The following MYLK variants were observed in gnomAD, a reference collection of about 807,000 sequenced individuals.
The protein encoded by MYLK is myosin light chain kinase, also known as myosin light chain kinase, smooth muscle.
A neutral mutation model predicts 203.4 loss-of-function variants in MYLK; 106 were observed. The ratio of observed to expected loss-of-function variants is 0.52; its 90% CI spans 0.45 to 0.61. The LOEUF is 0.61. Ranked by LOEUF, MYLK falls within the 20% of genes least tolerant of loss-of-function variation. MYLK has a pLI of 0.00. For synonymous variants in MYLK, 867 were observed against 959.5 expected, an observed-to-expected ratio of 0.90 and a Z score of 1.78; for missense variants, 2,072 against 2,442.3, an observed-to-expected ratio of 0.85 and a Z score of 3.20.
chr3:123,673,255 T>C (rs1419527273), intron 20 of MYLK, among the ~76,000 whole-genome samples: 5 of 151,034 alleles, frequency 3.3e-5, no homozygotes, highest in Non-Finnish European at 5.9e-5. Flanking sequence ...CTCGACCTGC[T>C]GGGCTAAAGT....
intron 4 of MYLK, among the ~76,000 whole-genome samples, chr3:123,771,697 T>C (rs1274612670): frequency 6.6e-6 from 1 of 152,200 alleles, no homozygotes; most frequent in Non-Finnish European, 1.5e-5. Flanking sequence ...ATTTTCTAAA[T>C]TGAAAATGCA....
In MYLK at chr3:123,629,343, C is replaced by T; in HGVS notation, c.5114+131G>A. ...CTCTTACCATGCCCACCCTCCCTTC[C>T]TCAGGGAATGCTAGGAACGACCCAA... On this transcript the variant is annotated intron_variant, in intron 30 of 33. Transcript: ENST00000360304. This position sits in a 1 kb window ranked among gnomAD's most constrained non-coding sequence, Gnocchi z 4.4. The T allele has an allele frequency of 8.7e-7, 1 of 1,154,248 alleles. No homozygotes were observed. Among genetic ancestry groups the T allele is most frequent in the South Asian group, 1.3e-5 (1 of 74,724 alleles). The allele number at this position is 1,154,248 out of a possible 1,614,324, so 71.5% of individuals were successfully genotyped here. A position where few individuals can be genotyped will look rare whatever the true frequency, so the allele number is the denominator to read the frequency against.
chr3:123,802,350 T>A (rs1448083092), intron 3 of MYLK, among the ~76,000 whole-genome samples: 2 of 152,234 alleles, frequency 1.3e-5, no homozygotes, highest in African/African-American at 2.4e-5. Flanking sequence ...AGTTCTTCCC[T>A]GAGCCACCAG....
chr3:123,680,912 G>C (rs2060241904), intron 20 of MYLK: 1 of 152,174 alleles, frequency 6.6e-6, no homozygotes, highest in Admixed American at 6.5e-5. Flanking sequence ...AGTTTTCAAA[G>C]GGTAGTTCTG....
At chr3:123,868,271 T>C (rs2032475293) in intron 2 of MYLK, among the ~76,000 whole-genome samples, 1 of 152,180 alleles carries the variant, frequency 6.6e-6, no homozygotes, top group South Asian at 2.1e-4. Context: ...GGATCGTATC[T>C]TTTGACCTAG....
chr3:123,635,533 A>T (rs1220491641), intron 29 of MYLK, among the ~76,000 whole-genome samples: 1 of 152,154 alleles, frequency 6.6e-6, no homozygotes, highest in Non-Finnish European at 1.5e-5. Flanking sequence ...CTTGCCACAC[A>T]CACACCCCTC....
chr3:123,807,390 C>G (rs1285903883), intron 3 of MYLK, among the ~76,000 whole-genome samples: 3 of 151,788 alleles, frequency 2.0e-5, no homozygotes, highest in Non-Finnish European at 4.4e-5. Flanking sequence ...GACAGTGCCA[C>G]TGCACTCCAG....
At position 123,700,490 on chromosome 3, in the gene MYLK, G is replaced by C; in HGVS notation, c.2978C>G (p.Ala993Gly). 1 of 1,608,078 alleles carries C rather than the reference G, an allele frequency of 6.2e-7. No individual in the cohort carries two copies. Among genetic ancestry groups the C allele is most frequent in the Non-Finnish European group, 8.5e-7 (1 of 1,175,836 alleles). ...CTCGGCACTGCTGCTGCCATTCTCT[G>C]CTGGTAATTTCTTCTTGCCACCCAG... The part of the protein sequence containing the change: ...SVLGGKKKLP[A>G]ENGSSSAETL... The change falls in exon 18 of 34, where the codon GCA becomes GGA. Residue 993 changes from alanine (A) to glycine (G), a missense_variant. By Grantham distance (60) the Ala-to-Gly change is moderately conservative (BLOSUM62 0). This residue lies in a region of MYLK where 865 missense variants were observed against 1,016.0 expected (regional missense o/e 0.85). Transcript: ENST00000360304.
chr3:123,628,054 G>A (rs1028281232), intron 30 of MYLK, among the ~76,000 whole-genome samples: 1 of 152,204 alleles, frequency 6.6e-6, no homozygotes, highest in African/African-American at 2.4e-5. Flanking sequence ...CCTTGGGTGT[G>A]GGGGTCCCTC....
intron 13 of MYLK, among the ~76,000 whole-genome samples, chr3:123,720,888 G>C (rs1254188440): frequency 6.6e-6 from 1 of 152,202 alleles, no homozygotes; most frequent in Non-Finnish European, 1.5e-5. Context: ...CTTCCCCTTT[G>C]AGCCAGGGGA....
chr3:123,620,081 G>A (rs1375101494), intron 32 of MYLK, 126 bp downstream of exon 32: 4 of 861,424 alleles, frequency 4.6e-6, no homozygotes, highest in Non-Finnish European at 5.7e-6. Flanking sequence ...AATTACTTCT[G>A]AATTTATCCT....
intron 23 of MYLK, among the ~76,000 whole-genome samples, chr3:123,660,590 A>G (rs1340425105): frequency 6.6e-6 from 1 of 152,244 alleles, no homozygotes; most frequent in East Asian, 1.9e-4. Flanking sequence ...ATAGCTAAAT[A>G]TCACTCATTT....
intron 20 of MYLK, among the ~76,000 whole-genome samples, chr3:123,680,397 C>T (rs1183941777): frequency 6.6e-5 from 10 of 152,330 alleles, no homozygotes; most frequent in Non-Finnish European, 1.0e-4. Flanking sequence ...CCCCAATTCA[C>T]AGCCCCTGGT....
intron 20 of MYLK, among the ~76,000 whole-genome samples, chr3:123,675,576 C>A (rs918936563): frequency 2.6e-5 from 4 of 152,354 alleles, no homozygotes; most frequent in Admixed American, 2.6e-4. Flanking sequence ...AATTAGGGAA[C>A]TAGCCTTACC....
At chr3:123,714,929 T>G (rs759669829) in intron 13 of MYLK, among the ~76,000 whole-genome samples, 1 of 151,852 alleles carries the variant, frequency 6.6e-6, no homozygotes, top group South Asian at 2.1e-4. Context: ...AACGATGCCA[T>G]GTAGACGAAG....
chr3:123,620,081 G>C, intron 32 of MYLK, 126 bp downstream of exon 32: 1 of 861,532 alleles, frequency 1.2e-6, no homozygotes, highest in South Asian at 1.4e-5. Context: ...AATTACTTCT[G>C]AATTTATCCT....
intron 13 of MYLK, among the ~76,000 whole-genome samples, chr3:123,716,807 A>G (rs1264520349): frequency 6.6e-6 from 1 of 152,178 alleles, no homozygotes; most frequent in Non-Finnish European, 1.5e-5. Flanking sequence ...AGAGTTATAA[A>G]GCTCTATAAT....
chr3:123,727,383 T>C (rs1031520580), intron 11 of MYLK, among the ~76,000 whole-genome samples: 3 of 152,210 alleles, frequency 2.0e-5, no homozygotes, highest in Non-Finnish European at 1.5e-5. Context: ...AAAAAGGATA[T>C]AGGCTTTCAT....
intron 33 of MYLK, 180 bp downstream of exon 33, chr3:123,618,459 G>A (rs2057641497): frequency 1.4e-6 from 1 of 692,592 alleles, no homozygotes; most frequent in South Asian, 1.7e-5. Context: ...TTCAGGAGGT[G>A]GGAGTGCAGG....
Sources: gnomAD v4.1 joint callset for allele counts (sites outside exome capture counted in the v4.1 genomes callset) on GRCh38, gnomAD v4.1.1 for gene constraint, gnomAD v4.1.1 regional missense constraint, Gnocchi (gnomAD v3.1) non-coding constraint, MANE v1.5 for transcripts, NCBI Gene and HGNC (gene_info 2026-07-23, HGNC 2026-07-21) for gene names.